PDE7A: variants seen among roughly 807,000 people sequenced by gnomAD.
PDE7A encodes high affinity 3',5'-cyclic-AMP phosphodiesterase 7A.
A neutral mutation model predicts 64.3 loss-of-function variants in PDE7A; 39 were observed. That is an observed-to-expected ratio of 0.61 (90% CI 0.47 to 0.79). PDE7A has a LOEUF of 0.79. PDE7A is among the 30% of genes least tolerant of loss of function. The pLI, the probability that PDE7A is intolerant of heterozygous loss-of-function variation, is 0.00. For synonymous variants in PDE7A, 203 were observed against 206.8 expected (o/e 0.98, Z 0.16); for missense variants, 470 against 582.8 (o/e 0.81, Z 1.99).
In PDE7A at chr8:65,749,278, T is replaced by C. The variant is rs1585866850; in HGVS notation, c.284-1475A>G. Reference sequence around the variant, plus strand: ...AAGCCTAATAGTAATGCAAAGCATATAGTAAGTAATTGTAAAATATATTAA... The same window carrying C: ...AAGCCTAATAGTAATGCAAAGCATACAGTAAGTAATTGTAAAATATATTAA... On this transcript the variant is annotated intron_variant, in intron 3 of 12. Coordinates refer to ENST00000401827, the MANE Select transcript of PDE7A (RefSeq NM_001242318.3). 3.9e-5 allele frequency among the ~76,000 whole-genome samples: 6 copies of C among 152,360 alleles called. No homozygotes were observed. The South Asian group carries it at 8.3e-4, about 21-fold the overall frequency.
intron 1 of PDE7A, among the ~76,000 whole-genome samples, chr8:65,789,432 C>T (rs1809642740): frequency 6.6e-6 from 1 of 152,112 alleles, no homozygotes; most frequent in African/African-American, 2.4e-5. Flanking sequence ...GCATTTTATT[C>T]CATCTTTTCA....
chr8:65,773,480 C>T (rs1809169535), intron 3 of PDE7A, among the ~76,000 whole-genome samples: 1 of 152,130 alleles, frequency 6.6e-6, no homozygotes, highest in Non-Finnish European at 1.5e-5. Flanking sequence ...TTCTAAATAC[C>T]ATACTACAAA....
chr8:65,797,481 G>A (rs55738339), intron 1 of PDE7A, among the ~76,000 whole-genome samples: 5 of 138,530 alleles, frequency 3.6e-5, no homozygotes, highest in Non-Finnish European at 4.5e-5. Flanking sequence ...AACTGCCTCC[G>A]GGGGGCAAGG....
At chr8:65,813,022 G>T (rs1810293718) in intron 1 of PDE7A, among the ~76,000 whole-genome samples, 1 of 152,174 alleles carries the variant, frequency 6.6e-6, no homozygotes, top group Non-Finnish European at 1.5e-5. Flanking sequence ...GAACTAAACA[G>T]ATTTGGATAA....
intron 3 of PDE7A, among the ~76,000 whole-genome samples, chr8:65,750,173 G>T (rs1231582564): frequency 6.6e-6 from 1 of 152,146 alleles, no homozygotes; most frequent in Non-Finnish European, 1.5e-5. Flanking sequence ...AGAAGGCAAA[G>T]ATTATCATCT....
intron 3 of PDE7A, among the ~76,000 whole-genome samples, chr8:65,764,761 C>T: frequency 6.6e-6 from 1 of 152,092 alleles, no homozygotes; most frequent in Non-Finnish European, 1.5e-5. Flanking sequence ...CAAAGTCTAA[C>T]ACAGTCTTAT....
At chr8:65,772,024 C>T (rs530757563) in intron 3 of PDE7A, among the ~76,000 whole-genome samples, 38 of 150,808 alleles carry the variant, frequency 2.5e-4, no homozygotes, top group African/African-American at 9.0e-4. Context: ...TAAGAGATAA[C>T]GAGGCAGAAA....
intron 3 of PDE7A, among the ~76,000 whole-genome samples, chr8:65,773,965 CTT>C (rs1809184994): frequency 6.6e-6 from 1 of 152,146 alleles, no homozygotes. Context: ...AGACTTAACT[CTT>C]TTACTGATTT....
intron 3 of PDE7A, among the ~76,000 whole-genome samples, chr8:65,779,115 G>C (rs1433541367): frequency 6.6e-6 from 1 of 152,104 alleles, no homozygotes; most frequent in Non-Finnish European, 1.5e-5. Flanking sequence ...TTTACATTTT[G>C]AATAGTTTTC....
intron 1 of PDE7A, among the ~76,000 whole-genome samples, chr8:65,792,947 G>C (rs773944999): frequency 6.6e-6 from 1 of 151,940 alleles, no homozygotes; most frequent in Non-Finnish European, 1.5e-5. Context: ...TTGTCATGTA[G>C]TATCCGAATA....
At chr8:65,754,900 G>A (rs963253287) in intron 3 of PDE7A, among the ~76,000 whole-genome samples, 64 of 150,374 alleles carry the variant, frequency 4.3e-4, no homozygotes, top group African/African-American at 1.5e-3. Flanking sequence ...GGGAGGCGGA[G>A]GTTGCAGTGA....
chr8:65,731,619 A>C (rs1342764245), intron 7 of PDE7A: 1 of 152,186 alleles, frequency 6.6e-6, no homozygotes, highest in Non-Finnish European at 1.5e-5. Context: ...TTTATAATCC[A>C]CATGAGTTCA....
chr8:65,800,233 T>C (rs1223172808), intron 1 of PDE7A, among the ~76,000 whole-genome samples: 1 of 152,192 alleles, frequency 6.6e-6, no homozygotes, highest in African/African-American at 2.4e-5. Context: ...TTATAACTGC[T>C]TTTTGTTCTA....
rs570698336 is a variant in PDE7A, at chr8:65,717,562, G to A, written c.*1728C>T. On this transcript the variant is annotated 3_prime_UTR_variant, in exon 13 of 13. Transcript: ENST00000401827. ...AGGTGAGTCATTAGTAGATAAGCTC[G>A]GACTGAGTAAACATCTGAGGGATGA... 2.8e-4 allele frequency: 43 copies of A among 152,236 alleles called. No individual in the cohort carries two copies. Among genetic ancestry groups the A allele is most frequent in the African/African-American group, 7.7e-4 (32 of 41,564 alleles). 9.4% of individuals were successfully genotyped at this position (152,236 alleles called of 1,614,324 possible). A position where few individuals can be genotyped will look rare whatever the true frequency, so the allele number is the denominator to read the frequency against.
rs1362763371 is a variant in PDE7A, at chr8:65,718,259, GCA to G, written c.*1029_*1030del. ...TTGCCCACATGGAGAAACATAACAT[GCA>G]CAGTCACACATGCACAAACATGCAC... On this transcript the variant is annotated 3_prime_UTR_variant, in exon 13 of 13. Transcript: ENST00000401827. 2 of 152,158 alleles carry G rather than the reference GCA, an allele frequency of 1.3e-5. No individual in the cohort carries two copies. Among genetic ancestry groups the G allele is most frequent in the East Asian group, 1.9e-4 (1 of 5,202 alleles). The allele number at this position is 152,158 out of a possible 1,614,324, so 9.4% of individuals were successfully genotyped here.
At chr8:65,788,055 G>A (rs763284323) in intron 1 of PDE7A, among the ~76,000 whole-genome samples, 20 of 152,042 alleles carry the variant, frequency 1.3e-4, no homozygotes, top group Non-Finnish European at 2.6e-4. Flanking sequence ...ATGTTTAAAC[G>A]TGGAAAATTA....
chr8:65,800,933 A>C (rs1563512809), intron 1 of PDE7A, among the ~76,000 whole-genome samples: 1 of 152,202 alleles, frequency 6.6e-6, no homozygotes, highest in Non-Finnish European at 1.5e-5. Flanking sequence ...ATTGCAGCTA[A>C]CATCAAAAAT....
intron 5 of PDE7A, among the ~76,000 whole-genome samples, chr8:65,744,099 C>T (rs1402993442): frequency 6.6e-6 from 1 of 152,122 alleles, no homozygotes; most frequent in East Asian, 1.9e-4. Context: ...TGCCAAAGTG[C>T]GGGGATTACA....
At chr8:65,774,746 T>C (rs1483077419) in intron 3 of PDE7A, among the ~76,000 whole-genome samples, 1 of 151,912 alleles carries the variant, frequency 6.6e-6, no homozygotes, top group Non-Finnish European at 1.5e-5. Flanking sequence ...ACCCATAACA[T>C]GTAACATAAA....
Sources: gnomAD v4.1 joint callset for allele counts (sites outside exome capture counted in the v4.1 genomes callset) on GRCh38, gnomAD v4.1.1 for gene constraint, MANE v1.5 for transcripts, NCBI Gene and HGNC (gene_info 2026-07-23, HGNC 2026-07-21) for gene names.